GPR146: variants seen among roughly 807,000 people sequenced by gnomAD.
The protein encoded by GPR146 is G protein-coupled receptor 146, also known as G-protein coupled receptor 146.
For missense variants in GPR146, 381 were observed against 213.9 expected (o/e 1.78, Z -4.87); for synonymous variants, 203 against 104.3 (o/e 1.95, Z -5.77).
intron 1 of GPR146, among the ~76,000 whole-genome samples, chr7:1,051,236 C>CA (rs1393073237): frequency 6.6e-6 from 1 of 152,250 alleles, no homozygotes; most frequent in African/African-American, 2.4e-5. Flanking sequence ...CACTGTGTCC[C>CA]AACCCCGGTC....
At chr7:1,046,674 G>A (rs998063278) in intron 1 of GPR146, among the ~76,000 whole-genome samples, 9 of 152,154 alleles carry the variant, frequency 5.9e-5, no homozygotes, top group African/African-American at 2.2e-4. Context: ...GCCTCCGTGT[G>A]CAAACAAAAT....
intron 1 of GPR146, among the ~76,000 whole-genome samples, chr7:1,055,637 A>C (rs1783663187): frequency 6.6e-6 from 1 of 152,106 alleles, no homozygotes; most frequent in African/African-American, 2.4e-5. Flanking sequence ...ATCTCTAAGT[A>C]GGGAATGAAG....
intron 1 of GPR146, among the ~76,000 whole-genome samples, chr7:1,050,871 AG>A (rs1022834762): frequency 6.6e-6 from 1 of 152,170 alleles, no homozygotes; most frequent in Non-Finnish European, 1.5e-5. Context: ...CTTGACGCGC[AG>A]GGGGTCTCGG....
chr7:1,053,466 C>T (rs1008665895), intron 1 of GPR146, among the ~76,000 whole-genome samples: 19 of 152,242 alleles, frequency 1.2e-4, no homozygotes, highest in African/African-American at 4.6e-4. Flanking sequence ...GGAACACTGG[C>T]TCACATGACT....
rs1333923237 is a variant in GPR146, at chr7:1,057,527, C to T, written c.12C>T (p.Cys4=). ...CCTCGCCGGCCGCCATGTGGAGCTG[C>T]AGCTGGTTCAACGGCACAGGGCTGG... The part of the protein sequence containing the change: MWS[C]SWFNGTGLVE... The change falls in exon 2 of 2, where the codon TGC becomes TGT. Residue 4 remains cysteine (C), a synonymous_variant. Coordinates refer to ENST00000444847, the MANE Select transcript of GPR146 (RefSeq NM_001303473.2). The T allele has an allele frequency of 1.3e-6, 1 of 770,110 alleles. No individual in the cohort carries two copies. Among genetic ancestry groups the T allele is most frequent in the Non-Finnish European group, 2.4e-6 (1 of 414,308 alleles). The allele number at this position is 770,110 out of a possible 1,614,324, so 47.7% of individuals were successfully genotyped here.
rs1448884629 is a variant in GPR146 at position 1,058,492 on chromosome 7, TG to T, written c.982del (p.Val328CysfsTer16). On this transcript the variant is annotated frameshift_variant, in exon 2 of 2. Transcript: ENST00000444847. LOFTEE classifies it high-confidence loss of function. ...GACCGGCACTGCTCCCCGGACCACATGGGGGTGCAGCAGGTGCTGGCGTAGG... is the reference window on the plus strand; with the variant it reads ...GACCGGCACTGCTCCCCGGACCACATGGGGTGCAGCAGGTGCTGGCGTAGG... ...CGDRHCSPDH[M>X]GVQQVLA 2.6e-6 allele frequency: 2 copies of T among 779,888 alleles called. No individual in the cohort carries two copies. The highest frequency in any genetic ancestry group is 2.4e-6 in the Non-Finnish European group (1 of 417,948). 48.3% of individuals were successfully genotyped at this position (779,888 alleles called of 1,614,324 possible).
Position 1,058,471 on chromosome 7 carries a change from GGCACT to G in GPR146, c.959_963del (p.His320LeufsTer115). The stretch of plus-strand genomic sequence containing the variant: ...ATGAAAAAGCTGCCCTGCGGGGACC[GGCACT>G]GCTCCCCGGACCACATGGGGGTGCA... On this transcript the variant is annotated frameshift_variant, in exon 2 of 2. Coordinates refer to ENST00000444847, the MANE Select transcript of GPR146 (RefSeq NM_001303473.2). LOFTEE classifies it high-confidence loss of function. 1 of 780,268 alleles carries G rather than the reference GGCACT, an allele frequency of 1.3e-6. No homozygotes were observed. The highest frequency in any genetic ancestry group is 2.4e-6 in the Non-Finnish European group (1 of 418,098). The allele number at this position is 780,268 out of a possible 1,614,324, so 48.3% of individuals were successfully genotyped here.
At position 1,058,076 on chromosome 7, in the gene GPR146, C is replaced by T. The variant is rs772550939; in HGVS notation, c.561C>T (p.Ala187=). The T allele has an allele frequency of 8.7e-5, 67 of 767,086 alleles. No homozygotes were observed. Among genetic ancestry groups the T allele is most frequent in the Admixed American group, 5.8e-4 (34 of 59,004 alleles). The allele number at this position is 767,086 out of a possible 1,614,324, so 47.5% of individuals were successfully genotyped here. A position where few individuals can be genotyped will look rare whatever the true frequency, so the allele number is the denominator to read the frequency against. ...CCAAGATGCAGAACGCAGAAGCTGCCGACGCCACGCTGGTGTTCATCGGCT... is the reference window on the plus strand; with the variant it reads ...CCAAGATGCAGAACGCAGAAGCTGCTGACGCCACGCTGGTGTTCATCGGCT... ...ECAKMQNAEA[A]DATLVFIGYV... Residue 187 remains alanine, a synonymous_variant, in exon 2 of 2, where the codon GCC becomes GCT. Coordinates refer to ENST00000444847, the MANE Select transcript of GPR146 (RefSeq NM_001303473.2).
chr7:1,053,889 C>T (rs2128200202), intron 1 of GPR146, among the ~76,000 whole-genome samples: 1 of 152,364 alleles, frequency 6.6e-6, no homozygotes, highest in South Asian at 2.1e-4. Context: ...GGAGCCATGG[C>T]TAACAGCCTG....
chr7:1,055,464 G>C, intron 1 of GPR146: 1 of 461,004 alleles, frequency 2.2e-6, no homozygotes, highest in South Asian at 1.6e-5. Context: ...GCACCAAGAG[G>C]CTTGGGCCAC....
rs1054501969 is a variant in GPR146, at chr7:1,044,556, G to C, written c.-127G>C. 5.3e-5 allele frequency: 8 copies of C among 151,094 alleles called. No homozygotes were observed. The highest frequency in any genetic ancestry group is 1.7e-4 in the African/African-American group (7 of 41,234). The allele number at this position is 151,094 out of a possible 1,614,324, so 9.4% of individuals were successfully genotyped here. ...GGGGGCGGGGCCGACGGTCACGTGT[G>C]TACACAGGGCCCGGGCGGCGTGCGC... On this transcript the variant is annotated 5_prime_UTR_variant, in exon 1 of 2. Transcript: ENST00000444847.
chr7:1,054,609 T>C (rs1426469294), intron 1 of GPR146, among the ~76,000 whole-genome samples: 1 of 152,208 alleles, frequency 6.6e-6, no homozygotes, highest in Non-Finnish European at 1.5e-5. Context: ...GCTGCCTCCC[T>C]CTGACTTGGC....
At position 1,057,584 on chromosome 7, in the gene GPR146, G is replaced by A. The variant is rs771573000; in HGVS notation, c.69G>A (p.Gln23=). ...AGCTGCCTGCCTGCCAGGACCTGCAGCTGGGGCTGTCACTGTTGTCGCTGC... is the reference window on the plus strand; with the variant it reads ...AGCTGCCTGCCTGCCAGGACCTGCAACTGGGGCTGTCACTGTTGTCGCTGC... ...VEELPACQDL[Q]LGLSLLSLLG... is the part of the protein sequence containing the mutation. The change falls in exon 2 of 2, where the codon CAG becomes CAA. Residue 23 remains glutamine, a synonymous_variant. Coordinates refer to ENST00000444847, the MANE Select transcript of GPR146 (RefSeq NM_001303473.2). 1.3e-5 allele frequency: 10 copies of A among 772,238 alleles called. No individual in the cohort carries two copies. In the South Asian group the frequency reaches 1.4e-4, roughly 11 times the overall value. 47.8% of individuals were successfully genotyped at this position (772,238 alleles called of 1,614,324 possible).
At chr7:1,057,056 G>A (rs1783870746) in intron 1 of GPR146, among the ~76,000 whole-genome samples, 2 of 152,126 alleles carry the variant, frequency 1.3e-5, no homozygotes, top group Non-Finnish European at 2.9e-5. Flanking sequence ...TGCCGGGAGG[G>A]AGGGAGGGAG....
intron 1 of GPR146, among the ~76,000 whole-genome samples, chr7:1,048,046 C>T (rs1319731451): frequency 2.6e-5 from 4 of 151,888 alleles, no homozygotes; most frequent in African/African-American, 9.7e-5. Flanking sequence ...CCAGCAAAGA[C>T]TGGCGGAGGG....
Position 1,052,534 on chromosome 7 carries a change from G to T in GPR146, c.-24-4958G>T, listed in dbSNP as rs181775566. On this transcript the variant is annotated intron_variant, in intron 1 of 1. Coordinates refer to ENST00000444847, the MANE Select transcript of GPR146 (RefSeq NM_001303473.2). This position sits in a 1 kb window ranked among gnomAD's most constrained non-coding sequence, Gnocchi z 4.2. The stretch of plus-strand genomic sequence containing the variant: ...AGGAGCAGGGCCTGGCGGAAGAAGT[G>T]GGGGAGCCAGGAAGGAGCAGCTGCC... Among the ~76,000 whole-genome samples the T allele has an allele frequency of 1.3e-5, 2 of 152,152 alleles. No individual in the cohort carries two copies. Among genetic ancestry groups the T allele is most frequent in the Non-Finnish European group, 2.9e-5 (2 of 68,024 alleles).
chr7:1,057,080 C>G (rs1013931655), intron 1 of GPR146, among the ~76,000 whole-genome samples: 5 of 152,108 alleles, frequency 3.3e-5, no homozygotes, highest in Non-Finnish European at 7.4e-5. Flanking sequence ...CAGGGCTGAC[C>G]GTCCACATTG....
chr7:1,053,817 A>C (rs1341819446), intron 1 of GPR146, among the ~76,000 whole-genome samples: 1 of 151,992 alleles, frequency 6.6e-6, no homozygotes, highest in Non-Finnish European at 1.5e-5. Context: ...ACAGAGCGAG[A>C]CTCCATCTCA....
chr7:1,054,572 G>A (rs988332753), intron 1 of GPR146, among the ~76,000 whole-genome samples: 1 of 152,196 alleles, frequency 6.6e-6, no homozygotes, highest in Non-Finnish European at 1.5e-5. Context: ...CCCAAGAATC[G>A]AGCCATTCTT....
Sources: gnomAD v4.1 joint callset for allele counts (sites outside exome capture counted in the v4.1 genomes callset) on GRCh38, gnomAD v4.1.1 for gene constraint, Gnocchi (gnomAD v3.1) non-coding constraint, MANE v1.5 for transcripts, NCBI Gene and HGNC (gene_info 2026-07-23, HGNC 2026-07-21) for gene names.